Variants in HECTD4 observed in about 807,000 individuals in gnomAD.
The protein encoded by HECTD4 is probable E3 ubiquitin-protein ligase HECTD4.
Under a neutral mutation model 471.5 loss-of-function variants are expected in HECTD4, and 114 were observed. That is an observed-to-expected ratio of 0.24 (90% CI 0.21 to 0.28). HECTD4 has a LOEUF of 0.28. Among genes scored for constraint, HECTD4 ranks in the 10% least tolerant of loss-of-function variants. HECTD4 has a pLI of 1.00. For synonymous variants in HECTD4, 2,012 were observed against 2,256.0 expected, an observed-to-expected ratio of 0.89 and a Z score of 3.07; for missense variants, 3,866 against 5,651.5, an observed-to-expected ratio of 0.68 and a Z score of 10.13.
At chr12:112,372,946 G>C (rs1019707664) in intron 1 of HECTD4, among the ~76,000 whole-genome samples, 1 of 148,560 alleles carries the variant, frequency 6.7e-6, no homozygotes, top group Non-Finnish European at 1.5e-5. Context: ...TTTGTAGGGA[G>C]AGAGTTTTGC....
At chr12:112,196,382 T>C (rs1382042478) in intron 55 of HECTD4, among the ~76,000 whole-genome samples, 2 of 152,186 alleles carry the variant, frequency 1.3e-5, no homozygotes, top group African/African-American at 4.8e-5. Flanking sequence ...CACCAGTCTG[T>C]GTGGTTCTCA....
At chr12:112,169,740 C>CAGGCCT in intron 69 of HECTD4, 82 bp from the exon 70 acceptor site, 1 of 1,532,124 alleles carries the variant, frequency 6.5e-7, no homozygotes, top group Non-Finnish European at 9.0e-7. Flanking sequence ...CTGGGCCTAG[C>CAGGCCT]AGGCCTGTGC....
At chr12:112,353,235 A>G (rs754475395) in intron 1 of HECTD4, among the ~76,000 whole-genome samples, 15 of 152,232 alleles carry the variant, frequency 9.9e-5, no homozygotes, top group Non-Finnish European at 1.6e-4. Context: ...GAATGAGCAC[A>G]TGGCTTCATT....
chr12:112,278,483 T>C (rs1233681596), intron 9 of HECTD4, among the ~76,000 whole-genome samples: 3 of 152,218 alleles, frequency 2.0e-5, no homozygotes, highest in Non-Finnish European at 2.9e-5. Flanking sequence ...TAATAATATA[T>C]GGATATTTTA....
intron 16 of HECTD4, 34 bp downstream of exon 16, chr12:112,265,141 T>C: frequency 6.4e-7 from 1 of 1,558,268 alleles, no homozygotes. Context: ...ATGCTTGATA[T>C]AATTTTGCTT....
chr12:112,247,570 T>C lies in HECTD4; in HGVS notation c.4249-20A>G. 1 of 1,311,278 alleles carries C rather than the reference T, an allele frequency of 7.6e-7. No homozygotes were observed. The allele number at this position is 1,311,278 out of a possible 1,614,324, so 81.2% of individuals were successfully genotyped here. The stretch of plus-strand genomic sequence containing the variant: ...TTTGTTCTAAAGAAAAAAAAGATGG[T>C]ATGCAGAATCTGCAAGAACCAAGTT... On this transcript the variant is annotated intron_variant, in intron 27 of 75. Transcript: ENST00000682272.
chr12:112,209,077 T>A (rs2032681470), intron 50 of HECTD4, among the ~76,000 whole-genome samples: 2 of 151,576 alleles, frequency 1.3e-5, no homozygotes, highest in African/African-American at 4.8e-5. Flanking sequence ...TTTTTTAAAT[T>A]TTTTTGTAGA....
At chr12:112,266,229 C>T (rs1416493030) in intron 14 of HECTD4, among the ~76,000 whole-genome samples, 3 of 152,124 alleles carry the variant, frequency 2.0e-5, no homozygotes, top group African/African-American at 7.2e-5. Context: ...CTTAATGTTG[C>T]TTTTAAATGC....
chr12:112,324,760 T>C (rs1454016365), intron 1 of HECTD4, among the ~76,000 whole-genome samples: 1 of 152,170 alleles, frequency 6.6e-6, no homozygotes, highest in Non-Finnish European at 1.5e-5. Flanking sequence ...TTCAATGATA[T>C]GAAAAACTGC....
intron 1 of HECTD4, among the ~76,000 whole-genome samples, chr12:112,354,761 T>A (rs911052644): frequency 1.3e-4 from 19 of 151,998 alleles, no homozygotes; most frequent in Non-Finnish European, 2.5e-4. Flanking sequence ...AAATCTCAAA[T>A]TATTTTGGGT....
intron 28 of HECTD4, 106 bp downstream of exon 28, chr12:112,247,356 G>T: frequency 1.4e-6 from 1 of 710,700 alleles, no homozygotes. Context: ...AAAATATTTA[G>T]TAAATTCACA....
chr12:112,281,547 A>G (rs1343647419), intron 8 of HECTD4, among the ~76,000 whole-genome samples: 2 of 152,194 alleles, frequency 1.3e-5, no homozygotes, highest in Non-Finnish European at 2.9e-5. Context: ...AACAACAAAA[A>G]CAAAAACAAA....
chr12:112,224,146 C>CTTT (rs2033167985), intron 44 of HECTD4, among the ~76,000 whole-genome samples: 1 of 152,098 alleles, frequency 6.6e-6, no homozygotes, highest in South Asian at 2.1e-4. Context: ...CAAAGTAACC[C>CTTT]GGAATGTAGG....
In HECTD4 at chr12:112,250,320, G is replaced by A; in HGVS notation, c.3774C>T (p.Pro1258=). The part of the protein sequence containing the change: ...GVISPALTPS[P]SPLPLTIEED... ...CCTCTATGGTCAGAGGCAGTGGAGAGGGGCTCGGAGTAAGGGCAGGGGAGA... is the reference window on the plus strand; with the variant it reads ...CCTCTATGGTCAGAGGCAGTGGAGAAGGGCTCGGAGTAAGGGCAGGGGAGA... Residue 1258 remains proline, a synonymous_variant, in exon 25 of 76, where the codon CCC becomes CCT. Coordinates refer to ENST00000682272, the MANE Select transcript of HECTD4 (RefSeq NM_001388303.1). 6.2e-7 allele frequency: 1 copy of A among 1,613,996 alleles called. No homozygotes were observed. Among genetic ancestry groups the A allele is most frequent in the Non-Finnish European group, 8.5e-7 (1 of 1,179,874 alleles).
chr12:112,288,993 A>G (rs2034816734), intron 7 of HECTD4, among the ~76,000 whole-genome samples: 1 of 152,228 alleles, frequency 6.6e-6, no homozygotes, highest in African/African-American at 2.4e-5. Context: ...CTATGATCCA[A>G]ATGTTAGAGG....
intron 72 of HECTD4, 43 bp from the exon 73 acceptor site, chr12:112,164,318 G>A (rs904354221): frequency 6.3e-7 from 1 of 1,579,256 alleles, no homozygotes; most frequent in Non-Finnish European, 8.6e-7. Flanking sequence ...GAGGCCATGG[G>A]AGGTGGAACC....
intron 7 of HECTD4, among the ~76,000 whole-genome samples, chr12:112,293,729 A>G (rs996290958): frequency 2.6e-5 from 4 of 152,158 alleles, no homozygotes; most frequent in Non-Finnish European, 5.9e-5. Context: ...GAAAATGCTA[A>G]CCTCACTTGC....
At position 112,213,539 on chromosome 12, in the gene HECTD4, C is replaced by T. The variant is rs1211872438; in HGVS notation, c.7466-889G>A. On this transcript the variant is annotated intron_variant, in intron 48 of 75. Transcript: ENST00000682272. This position sits in a 1 kb window ranked among gnomAD's most constrained non-coding sequence, Gnocchi z 4.0. ...GTCTCTACTAAAAATACAAAAATTT[C>T]GCCGGGCTAGGTGGCAGGCACCTGT... is the stretch of plus-strand genomic sequence containing the variant. Among the ~76,000 whole-genome samples, 2 of 151,236 alleles carry T rather than the reference C, an allele frequency of 1.3e-5. No individual in the cohort carries two copies. The highest frequency in any genetic ancestry group is 2.4e-5 in the African/African-American group (1 of 41,232).
At chr12:112,279,133 T>C (rs2034585174) in intron 9 of HECTD4, 95 bp downstream of exon 9, 3 of 1,086,988 alleles carry the variant, frequency 2.8e-6, no homozygotes, top group Non-Finnish European at 4.0e-6. Flanking sequence ...CAAACAACTA[T>C]TTAACAAAGT....
Sources: gnomAD v4.1 joint callset for allele counts (sites outside exome capture counted in the v4.1 genomes callset) on GRCh38, gnomAD v4.1.1 for gene constraint, Gnocchi (gnomAD v3.1) non-coding constraint, MANE v1.5 for transcripts, NCBI Gene and HGNC (gene_info 2026-07-23, HGNC 2026-07-21) for gene names.